ARK2C: variants seen among roughly 807,000 people sequenced by gnomAD.
ARK2C encodes the protein arkadia (RNF111) C-terminal like ring finger ubiquitin ligase 2C, also known as E3 ubiquitin-protein ligase ARK2C.
chr18:46,449,897 G>A, the ARK2C span, among the ~76,000 whole-genome samples: 1 of 152,142 alleles, frequency 6.6e-6, no homozygotes, highest in Non-Finnish European at 1.5e-5. Context: ...CCACCCAACT[G>A]CCTGGGTTTG....
At chr18:46,371,959 C>T in the ARK2C span, among the ~76,000 whole-genome samples, 148 of 152,316 alleles carry the variant, frequency 9.7e-4, no homozygotes, top group African/African-American at 3.5e-3. Context: ...ATACTGACTC[C>T]TAACGTACTA....
At chr18:46,385,319 T>C in the ARK2C span, among the ~76,000 whole-genome samples, 1 of 151,978 alleles carries the variant, frequency 6.6e-6, no homozygotes, top group Non-Finnish European at 1.5e-5. Context: ...TGAGGACAAG[T>C]GGGTGTAAAT....
chr18:46,371,663 G>A, the ARK2C span, among the ~76,000 whole-genome samples: 2 of 152,330 alleles, frequency 1.3e-5, no homozygotes, highest in South Asian at 2.1e-4. Context: ...TCTGGGAAAT[G>A]AGAGCTGAAA....
the ARK2C span, among the ~76,000 whole-genome samples, chr18:46,439,481 T>TAGGG: frequency 2.6e-4 from 39 of 152,322 alleles, 1 homozygote; most frequent in African/African-American, 8.7e-4. Flanking sequence ...AGGGTGCTTT[T>TAGGG]AGGGCCTAGC....
At chr18:46,433,331 T>C in the ARK2C span, 6 of 1,612,358 alleles carry the variant, frequency 3.7e-6, no homozygotes, top group Non-Finnish European at 5.1e-6. Flanking sequence ...AGCGCCCACA[T>C]GGCCCCGGCC....
At chr18:46,413,204 G>A in the ARK2C span, among the ~76,000 whole-genome samples, 2 of 152,102 alleles carry the variant, frequency 1.3e-5, no homozygotes, top group Non-Finnish European at 2.9e-5. Context: ...ATTAGAATAA[G>A]GCAGCCTGCC....
chr18:46,445,997 T>A, the ARK2C span, among the ~76,000 whole-genome samples: 2 of 152,292 alleles, frequency 1.3e-5, no homozygotes, highest in East Asian at 3.9e-4. Flanking sequence ...ATTCTTGTGT[T>A]GTCACTTAAG....
the ARK2C span, among the ~76,000 whole-genome samples, chr18:46,347,540 G>A: frequency 6.6e-6 from 1 of 152,160 alleles, no homozygotes; most frequent in African/African-American, 2.4e-5. Flanking sequence ...TTGGGGCACT[G>A]GTTCTGCTCT....
chr18:46,350,142 T>G, the ARK2C span, among the ~76,000 whole-genome samples: 3 of 152,146 alleles, frequency 2.0e-5, no homozygotes, highest in African/African-American at 7.2e-5. Flanking sequence ...GGTACTGCCT[T>G]CCCCTTCTTT....
At chr18:46,358,395 T>C in the ARK2C span, among the ~76,000 whole-genome samples, 5 of 152,130 alleles carry the variant, frequency 3.3e-5, no homozygotes, top group African/African-American at 7.2e-5. Context: ...CACCCAGCCA[T>C]AGGACAGGAT....
chr18:46,428,404 T>C, the ARK2C span, among the ~76,000 whole-genome samples: 1 of 151,868 alleles, frequency 6.6e-6, no homozygotes, highest in Non-Finnish European at 1.5e-5. Context: ...CGAGACTCCA[T>C]CTCAAAACAA....
the ARK2C span, among the ~76,000 whole-genome samples, chr18:46,432,680 A>C: frequency 1.3e-5 from 2 of 152,200 alleles, no homozygotes; most frequent in African/African-American, 4.8e-5. Context: ...TTCCCCGGCC[A>C]GGCGCGGTGG....
the ARK2C span, among the ~76,000 whole-genome samples, chr18:46,405,385 T>A: frequency 1.4e-4 from 21 of 151,988 alleles, no homozygotes; most frequent in African/African-American, 4.6e-4. Context: ...CTGGCTGAAA[T>A]GTGCAGGCAG....
the ARK2C span, chr18:46,459,471 G>C: frequency 0.051 from 7,848 of 152,400 alleles, 295 homozygotes; most frequent in Non-Finnish European, 0.075. Flanking sequence ...GGGGGCACAC[G>C]TGCTGGGTGA....
chr18:46,421,981 C>A, the ARK2C span, among the ~76,000 whole-genome samples: 2 of 152,084 alleles, frequency 1.3e-5, no homozygotes, highest in Non-Finnish European at 2.9e-5. Flanking sequence ...GACTGGGAAC[C>A]AATAGATAGA....
At chr18:46,376,173 C>G in the ARK2C span, among the ~76,000 whole-genome samples, 4 of 152,210 alleles carry the variant, frequency 2.6e-5, no homozygotes, top group Non-Finnish European at 4.4e-5. Context: ...TGTTAACAGC[C>G]TTGGCAGCAA....
the ARK2C span, among the ~76,000 whole-genome samples, chr18:46,415,987 C>T: frequency 6.6e-6 from 1 of 152,202 alleles, no homozygotes; most frequent in African/African-American, 2.4e-5. Context: ...GCTGCACCAG[C>T]TGGCCACTCA....
chr18:46,356,729 C>T, the ARK2C span, among the ~76,000 whole-genome samples: 7 of 152,174 alleles, frequency 4.6e-5, no homozygotes, highest in African/African-American at 1.7e-4. Flanking sequence ...GCTCCACCTC[C>T]CCAAAGCCCT....
At chr18:46,343,992 C>T in the ARK2C span, among the ~76,000 whole-genome samples, 1 of 152,232 alleles carries the variant, frequency 6.6e-6, no homozygotes, top group African/African-American at 2.4e-5. Flanking sequence ...GCTGCTGCTT[C>T]CTCCTGCTGT....
Sources: gnomAD v4.1 joint callset for allele counts (sites outside exome capture counted in the v4.1 genomes callset) on GRCh38, gnomAD v4.1.1 for gene constraint, MANE v1.5 for transcripts, NCBI Gene and HGNC (gene_info 2026-07-23, HGNC 2026-07-21) for gene names.